CLDN14: variants seen among roughly 807,000 people sequenced by gnomAD.
CLDN14 encodes the protein claudin-14.
In CLDN14, 2 loss-of-function variants were observed where a neutral mutation model predicts 2.1. That is an observed-to-expected ratio of 0.96 (90% confidence interval 0.39 to 3.01). The LOEUF (loss-of-function observed/expected upper bound fraction) is 3.01, where lower values mean the gene tolerates loss of function less well. CLDN14 is among the 30% of genes most tolerant of loss of function. The pLI is 0.09. For missense variants in CLDN14, 298 were observed against 328.0 expected, an observed-to-expected ratio of 0.91 and a Z score of 0.71; for synonymous variants, 136 against 154.4, an observed-to-expected ratio of 0.88 and a Z score of 0.88.
At chr21:36,476,455 A>T (rs1225244700) in intron 1 of CLDN14, among the ~76,000 whole-genome samples, 28 of 142,458 alleles carry the variant, frequency 2.0e-4, no homozygotes, top group African/African-American at 6.0e-4. Flanking sequence ...ATGGATGACT[A>T]TTTTTTTTTT....
chr21:36,553,011 G>A (rs182809237), intron 1 of CLDN14, among the ~76,000 whole-genome samples: 284 of 152,286 alleles, frequency 1.9e-3, no homozygotes, highest in Non-Finnish European at 3.1e-3. Context: ...CAGGTTTCCC[G>A]CCACCTAGGG....
chr21:36,553,240 G>T (rs2087575241), intron 1 of CLDN14, among the ~76,000 whole-genome samples: 1 of 152,202 alleles, frequency 6.6e-6, no homozygotes, highest in Admixed American at 6.5e-5. Context: ...GTCTGCTATA[G>T]TCTTACCTCT....
At chr21:36,506,805 G>T (rs1042501634) in intron 2 of CLDN14, among the ~76,000 whole-genome samples, 1 of 151,868 alleles carries the variant, frequency 6.6e-6, no homozygotes, top group African/African-American at 2.4e-5. Context: ...AGGGAGCAAG[G>T]TATCTATTGC....
At chr21:36,552,625 A>T (rs978094027) in intron 1 of CLDN14, among the ~76,000 whole-genome samples, 2 of 152,228 alleles carry the variant, frequency 1.3e-5, no homozygotes, top group African/African-American at 4.8e-5. Context: ...TTATGGCCAA[A>T]CTGGTTTTTA....
intron 1 of CLDN14, among the ~76,000 whole-genome samples, chr21:36,531,698 T>TG (rs1439843579): frequency 2.0e-5 from 3 of 151,672 alleles, no homozygotes; most frequent in East Asian, 1.9e-4. Context: ...GTCTGTTTTT[T>TG]TTTTTTTTTT....
At chr21:36,523,775 GAA>G (rs370639648) in intron 1 of CLDN14, among the ~76,000 whole-genome samples, 2 of 30,416 alleles carry the variant, frequency 6.6e-5, no homozygotes, top group African/African-American at 1.8e-4. Context: ...AAGAAAGAGA[GAA>G]AGAGAGAAAG....
intron 2 of CLDN14, chr21:36,486,954 G>T: frequency 2.0e-6 from 1 of 497,740 alleles, no homozygotes; most frequent in Non-Finnish European, 3.8e-6. Flanking sequence ...TGAGGGCCAT[G>T]TTGTTCTCAG....
chr21:36,557,365 C>T (rs1313150841), intron 1 of CLDN14, among the ~76,000 whole-genome samples: 1 of 152,084 alleles, frequency 6.6e-6, no homozygotes, highest in African/African-American at 2.4e-5. Context: ...TGAGGAAACT[C>T]CATGCTGTTT....
chr21:36,503,607 T>C (rs2146478713), intron 2 of CLDN14, among the ~76,000 whole-genome samples: 1 of 152,352 alleles, frequency 6.6e-6, no homozygotes, highest in East Asian at 1.9e-4. Context: ...CACATGGAAC[T>C]ATGAGTTTTC....
rs3030072 is a variant in CLDN14 at position 36,518,075 on chromosome 21, TAC to T, written c.-219-7577_-219-7576del. Reference sequence around the variant, plus strand: ...ATAAATCTCTCTCCACTTACATACGTACACACACACACACACACACACACACA... The same window carrying T: ...ATAAATCTCTCTCCACTTACATACGTACACACACACACACACACACACACA... On this transcript the variant is annotated intron_variant, in intron 1 of 2. Coordinates refer to the CLDN14 transcript ENST00000342108. Among the ~76,000 whole-genome samples the T allele has an allele frequency of 2.5e-3, 376 of 148,470 alleles. 1 individual carries two copies. The highest frequency in any genetic ancestry group is 3.4e-3 in the African/African-American group (136 of 39,862).
chr21:36,493,968 G>C lies in CLDN14; in HGVS notation c.-82+16395C>G, dbSNP rs144966133. Among the ~76,000 whole-genome samples, 252 of 152,320 alleles carry C rather than the reference G, an allele frequency of 1.7e-3. 3 individuals are homozygous for C. The highest frequency in any genetic ancestry group is 5.9e-3 in the African/African-American group (244 of 41,594). ...GATGCCAAGAGCCCACTTTTGCCAG[G>C]ATGGGTTGGGAATCCCACTAGATCT... is the stretch of plus-strand genomic sequence containing the variant. On this transcript the variant is annotated intron_variant, in intron 2 of 2. Coordinates refer to the CLDN14 transcript ENST00000342108.
In CLDN14 at chr21:36,461,360, G is replaced by A. The variant is rs754350037; in HGVS notation, c.336C>T (p.Pro112=). 14 of 1,613,146 alleles carry A rather than the reference G, an allele frequency of 8.7e-6. No individual in the cohort carries two copies. The highest frequency in any genetic ancestry group is 1.6e-4 in the Middle Eastern group (1 of 6,068). ...MKCTRCAKGT[P]AKTTFAILGG... Reference sequence around the variant, plus strand: ...CGAGGATGGCAAAGGTGGTCTTGGCGGGTGTGCCCTTGGCGCAGCGCGTGC... The same window carrying A: ...CGAGGATGGCAAAGGTGGTCTTGGCAGGTGTGCCCTTGGCGCAGCGCGTGC... Residue 112 remains proline, a synonymous_variant, in exon 2 of 2, where the codon CCC becomes CCT. Coordinates refer to ENST00000399135, the MANE Select transcript of CLDN14 (RefSeq NM_001146079.2).
At chr21:36,563,418 A>G (rs1338943594) in intron 1 of CLDN14, among the ~76,000 whole-genome samples, 1 of 152,188 alleles carries the variant, frequency 6.6e-6, no homozygotes, top group Admixed American at 6.5e-5. Flanking sequence ...GAAAAAAAAA[A>G]AGCAGGGCTT....
At chr21:36,462,502 A>G (rs1331035444) in intron 1 of CLDN14, among the ~76,000 whole-genome samples, 1 of 152,120 alleles carries the variant, frequency 6.6e-6, no homozygotes, top group Non-Finnish European at 1.5e-5. Context: ...TATAAAACAG[A>G]GGCTGCTACC....
chr21:36,483,133 T>C (rs1156244516), upstream of CLDN14, among the ~76,000 whole-genome samples: 1 of 152,222 alleles, frequency 6.6e-6, no homozygotes, highest in Non-Finnish European at 1.5e-5. Context: ...CGCTGCCTCA[T>C]GTTACTACCC....
intron 1 of CLDN14, among the ~76,000 whole-genome samples, chr21:36,567,496 C>T (rs1398149387): frequency 2.0e-5 from 3 of 152,158 alleles, no homozygotes; most frequent in Non-Finnish European, 4.4e-5. Flanking sequence ...CAGGGGCCTT[C>T]CTTAATTACA....
At chr21:36,509,099 T>C (rs1483857453) in intron 2 of CLDN14, among the ~76,000 whole-genome samples, 2 of 152,178 alleles carry the variant, frequency 1.3e-5, no homozygotes, top group Non-Finnish European at 1.5e-5. Flanking sequence ...GTTTAAACAG[T>C]GTCAAATTAT....
chr21:36,486,987 T>C (rs1267842442), intron 2 of CLDN14: 1 of 144,786 alleles, frequency 6.9e-6, no homozygotes, highest in Non-Finnish European at 1.3e-5. Flanking sequence ...TTTTGTTTAA[T>C]TTTTTTTTTT....
chr21:36,534,800 G>A (rs2087411298), intron 1 of CLDN14, among the ~76,000 whole-genome samples: 1 of 152,108 alleles, frequency 6.6e-6, no homozygotes, highest in Non-Finnish European at 1.5e-5. Flanking sequence ...TCAGTCTCAG[G>A]CTGTGTAAAG....
Sources: allele counts gnomAD v4.1 joint callset (sites outside exome capture counted in the v4.1 genomes callset), GRCh38; gene constraint gnomAD v4.1.1; transcripts MANE v1.5; gene names NCBI Gene and HGNC (gene_info 2026-07-23, HGNC 2026-07-21).